The following NHP2 variants were observed in gnomAD, a reference collection of about 807,000 sequenced individuals.
The protein encoded by NHP2 is NHP2 ribonucleoprotein.
NHP2 carries 10 observed loss-of-function variants against 16.7 expected under a neutral mutation model. The ratio of observed to expected loss-of-function variants is 0.60; its 90% CI spans 0.37 to 1.01. NHP2 has a LOEUF of 1.01. Among genes scored for constraint, NHP2 ranks in the 50% least tolerant of loss-of-function variants. The pLI is 0.01. For synonymous variants in NHP2, 87 were observed against 78.9 expected (o/e 1.10, Z -0.54); for missense variants, 184 against 198.3 (o/e 0.93, Z 0.43).
chr5:178,153,422 C>T (rs1273827695), intron 2 of NHP2, 69 bp downstream of exon 2: 1 of 1,521,236 alleles, frequency 6.6e-7, no homozygotes, highest in Non-Finnish European at 9.1e-7. Context: ...TTTTACTGCG[C>T]GCCTACTAAG....
intron 2 of NHP2, chr5:178,153,262 G>A: frequency 1.6e-6 from 1 of 620,528 alleles, no homozygotes; most frequent in Non-Finnish European, 3.0e-6. Flanking sequence ...TTACTCTAAG[G>A]GACTTTGCTT....
intron 3 of NHP2, chr5:178,150,665 G>A: frequency 1.5e-6 from 1 of 686,220 alleles, no homozygotes; most frequent in Non-Finnish European, 2.7e-6. Context: ...TTACAGGTGT[G>A]AGCCACAGCG....
chr5:178,150,663 G>C (rs773472198), intron 3 of NHP2: 8 of 684,440 alleles, frequency 1.2e-5, no homozygotes, highest in Non-Finnish European at 2.1e-5. Context: ...GATTACAGGT[G>C]TGAGCCACAG....
intron 2 of NHP2, 100 bp downstream of exon 2, chr5:178,153,391 G>A (rs760204344): frequency 1.1e-5 from 13 of 1,209,104 alleles, no homozygotes; most frequent in African/African-American, 1.5e-5. Flanking sequence ...TCTGTATATG[G>A]GGCTAGGTCA....
Position 178,153,819 on chromosome 5 carries a change from G to C in NHP2, c.-2C>G. On this transcript the variant is annotated 5_prime_UTR_variant, in exon 1 of 4. Coordinates refer to ENST00000274606, the MANE Select transcript of NHP2 (RefSeq NM_017838.4). Reference sequence around the variant, plus strand: ...GGGATCTGCCTTTATTTTGGTCATCGCAGCGGCCGCTGAAACCTAGTCCCA... The same window carrying C: ...GGGATCTGCCTTTATTTTGGTCATCCCAGCGGCCGCTGAAACCTAGTCCCA... 2 of 1,604,526 alleles carry C rather than the reference G, an allele frequency of 1.2e-6. No homozygotes were observed. The highest frequency in any genetic ancestry group is 3.4e-5 in the Admixed American group (2 of 58,312).
chr5:178,149,789 A>C lies in NHP2; in HGVS notation c.386T>G (p.Val129Gly). The change falls in exon 4 of 4, where the codon GTC becomes GGC. Residue 129 changes from valine (V) to glycine (G), a missense_variant. By Grantham distance (109) the Val-to-Gly change is moderately radical. Transcript: ENST00000274606. ...CTCCTGGTACTCCTCATGGGGCTTGACCATTATCACACAGGTGGGGCGCTT... is the reference window on the plus strand; with the variant it reads ...CTCCTGGTACTCCTCATGGGGCTTGCCCATTATCACACAGGTGGGGCGCTT... ...GSKRPTCVIM[V>G]KPHEEYQEAY... 1 of 1,613,930 alleles carries C rather than the reference A, an allele frequency of 6.2e-7. No individual in the cohort carries two copies. Among genetic ancestry groups the C allele is most frequent in the Non-Finnish European group, 8.5e-7 (1 of 1,179,848 alleles).
rs542745432 is a variant in NHP2, at chr5:178,150,867, AG to A, written c.336+20del. The A allele has an allele frequency of 3.3e-3, 4,908 of 1,502,098 alleles. 12 individuals are homozygous for A. Among genetic ancestry groups the A allele is most frequent in the Non-Finnish European group, 3.8e-3 (4,109 of 1,077,910 alleles). The allele number at this position is 1,502,098 out of a possible 1,614,324, so 93.0% of individuals were successfully genotyped here. On this transcript the variant is annotated intron_variant, in intron 3 of 3. Coordinates refer to ENST00000274606, the MANE Select transcript of NHP2 (RefSeq NM_017838.4). ...AGACACCCCAGTGCTGAGCAAGGTC[AG>A]GGGGCCACGTGCTCCTTACCGTCTT...
chr5:178,150,419 T>C, intron 3 of NHP2: 1 of 318,198 alleles, frequency 3.1e-6, no homozygotes, highest in South Asian at 2.7e-5. Context: ...CACTCTGTCA[T>C]GCAGTCTGGA....
At chr5:178,150,814 A>C (rs1225039618) in intron 3 of NHP2, 74 bp downstream of exon 3, 1 of 977,344 alleles carries the variant, frequency 1.0e-6, no homozygotes, top group Non-Finnish European at 1.7e-6. Flanking sequence ...GCTCTTTCCC[A>C]CACTCTCCTG....
chr5:178,151,071 CT>C, intron 2 of NHP2, 78 bp from the exon 3 acceptor site: 1 of 1,261,254 alleles, frequency 7.9e-7, no homozygotes, highest in Non-Finnish European at 1.2e-6. Flanking sequence ...TGGGCTGGGT[CT>C]TAGGGATAGA....
intron 2 of NHP2, chr5:178,153,072 C>G (rs1337585689): frequency 6.2e-6 from 2 of 323,390 alleles, no homozygotes; most frequent in Non-Finnish European, 6.0e-6. Context: ...TGGGTGAGAG[C>G]TAGACCCATC....
Position 178,153,868 on chromosome 5 carries a change from C to G in NHP2, c.-51G>C, listed in dbSNP as rs1432469908. 3 of 1,560,286 alleles carry G rather than the reference C, an allele frequency of 1.9e-6. No homozygotes were observed. ...CAGGGAGGCGAGCCCACGCGGTCCACAGCTTTAGGCATCACTTCCAGGTCA... is the reference window on the plus strand; with the variant it reads ...CAGGGAGGCGAGCCCACGCGGTCCAGAGCTTTAGGCATCACTTCCAGGTCA... On this transcript the variant is annotated 5_prime_UTR_variant, in exon 1 of 4. Coordinates refer to ENST00000274606, the MANE Select transcript of NHP2 (RefSeq NM_017838.4).
chr5:178,150,558 T>C (rs1440821226), intron 3 of NHP2: 1 of 412,816 alleles, frequency 2.4e-6, no homozygotes, highest in African/African-American at 2.0e-5. Flanking sequence ...TAAAAAAATT[T>C]TTTTTGTAGA....
intron 3 of NHP2, 59 bp downstream of exon 3, chr5:178,150,829 G>A: frequency 9.1e-7 from 1 of 1,101,592 alleles, no homozygotes; most frequent in Non-Finnish European, 1.4e-6. Flanking sequence ...CTCCTGCTAT[G>A]GCAGACTATC....
intron 2 of NHP2, 45 bp from the exon 3 acceptor site, chr5:178,151,038 T>G: frequency 6.5e-7 from 1 of 1,538,436 alleles, no homozygotes; most frequent in East Asian, 2.2e-5. Context: ...GCTCCTTCCT[T>G]CTTTCAGTTT....
chr5:178,153,752 G>A lies in NHP2; in HGVS notation c.66C>T (p.Arg22=), dbSNP rs1756334874. ...GGTTGACCAGCAGCTCCTGGTAGGTGCGCTCCCCGGAACACGCCTCCGCCT... is the reference window on the plus strand; with the variant it reads ...GGTTGACCAGCAGCTCCTGGTAGGTACGCTCCCCGGAACACGCCTCCGCCT... ...EAQAEACSGE[R]TYQELLVNQN... The change falls in exon 1 of 4, where the codon CGC becomes CGT. Residue 22 remains arginine, a synonymous_variant. Transcript: ENST00000274606. The A allele has an allele frequency of 1.9e-6, 3 of 1,613,324 alleles. 1 individual carries two copies. The highest frequency in any genetic ancestry group is 2.2e-5 in the South Asian group (2 of 91,042).
chr5:178,149,690 TGCCCAGGTGCTACC>T lies in NHP2; in HGVS notation c.*9_*22del. 5 of 1,584,660 alleles carry T rather than the reference TGCCCAGGTGCTACC, an allele frequency of 3.2e-6. No homozygotes were observed. Among genetic ancestry groups the T allele is most frequent in the Non-Finnish European group, 4.3e-6 (5 of 1,167,608 alleles). ...CAGCCCAATAGCTTCCAGCGGCAGGTGCCCAGGTGCTACCGGAGCCCCTCATAGGGGTAGGGGCA... is the reference window on the plus strand; with the variant it reads ...CAGCCCAATAGCTTCCAGCGGCAGGTGGAGCCCCTCATAGGGGTAGGGGCA... On this transcript the variant is annotated 3_prime_UTR_variant, in exon 4 of 4. Coordinates refer to ENST00000274606, the MANE Select transcript of NHP2 (RefSeq NM_017838.4).
At position 178,153,692 on chromosome 5, in the gene NHP2, G is replaced by A. The variant is rs945199565; in HGVS notation, c.126C>T (p.Arg42=). The part of the protein sequence containing the change: ...NPIAQPLASR[R]LTRKLYKCIK... Reference sequence around the variant, plus strand: ...TGCATTTGTAGAGCTTCCGCGTGAGGCGGCGAGAAGCCAGGGGCTGCGCGA... The same window carrying A: ...TGCATTTGTAGAGCTTCCGCGTGAGACGGCGAGAAGCCAGGGGCTGCGCGA... The change falls in exon 1 of 4, where the codon CGC becomes CGT. Residue 42 remains arginine (R), a synonymous_variant. Coordinates refer to ENST00000274606, the MANE Select transcript of NHP2 (RefSeq NM_017838.4). 1.2e-6 allele frequency: 2 copies of A among 1,614,008 alleles called. No homozygotes were observed. The highest frequency in any genetic ancestry group is 1.7e-6 in the Non-Finnish European group (2 of 1,179,946).
At chr5:178,150,459 C>T in intron 3 of NHP2, 1 of 353,494 alleles carries the variant, frequency 2.8e-6, no homozygotes, top group East Asian at 7.4e-5. Context: ...TGGCTCACTG[C>T]AGCCTTGAAC....
Sources: gnomAD v4.1 joint callset for allele counts on GRCh38, gnomAD v4.1.1 for gene constraint, MANE v1.5 for transcripts, NCBI Gene and HGNC (gene_info 2026-07-23, HGNC 2026-07-21) for gene names.